MINDY4B: variants seen among roughly 807,000 people sequenced by gnomAD.
MINDY4B encodes the protein MINDY family member 4B.
Under a neutral mutation model 16.7 loss-of-function variants are expected in MINDY4B, and 25 were observed. That is an observed-to-expected ratio of 1.49 (90% CI 1.09 to 2.09). MINDY4B has a LOEUF of 2.09. Ranked by LOEUF, MINDY4B falls within the 30% of genes most tolerant of loss-of-function variation. MINDY4B has a pLI of 0.00. For synonymous variants in MINDY4B, 132 were observed against 61.9 expected (o/e 2.13, Z -5.32); for missense variants, 327 against 168.4 (o/e 1.94, Z -5.21).
At chr3:150,886,727 C>A (rs1302026776) in intron 7 of MINDY4B, among the ~76,000 whole-genome samples, 2 of 152,136 alleles carry the variant, frequency 1.3e-5, no homozygotes, top group African/African-American at 4.8e-5. Context: ...ATCACATAAC[C>A]CTCCTCCCTC....
chr3:150,900,416 G>T (rs924467103), intron 3 of MINDY4B, among the ~76,000 whole-genome samples: 1 of 152,228 alleles, frequency 6.6e-6, no homozygotes, highest in Non-Finnish European at 1.5e-5. Flanking sequence ...GATTTCTGGA[G>T]TGGTATTAGG....
intron 7 of MINDY4B, 51 bp from the exon 8 acceptor site, chr3:150,885,489 C>T (rs1052610996): frequency 3.7e-5 from 26 of 696,368 alleles, no homozygotes; most frequent in Non-Finnish European, 6.0e-5. Flanking sequence ...AACACAGACA[C>T]GTGTATCTGT....
At chr3:150,871,828 G>A (rs1485410363) in intron 11 of MINDY4B, among the ~76,000 whole-genome samples, 1 of 152,144 alleles carries the variant, frequency 6.6e-6, no homozygotes, top group Admixed American at 6.5e-5. Context: ...CTGGGCGACA[G>A]AGTGAGACTC....
intron 10 of MINDY4B, among the ~76,000 whole-genome samples, chr3:150,878,199 A>C (rs1286662553): frequency 6.6e-6 from 1 of 152,264 alleles, no homozygotes; most frequent in Non-Finnish European, 1.5e-5. Flanking sequence ...TATTAGCACA[A>C]TGAATAAATA....
intron 5 of MINDY4B, among the ~76,000 whole-genome samples, chr3:150,893,002 C>T (rs1711855911): frequency 1.3e-5 from 2 of 151,812 alleles, no homozygotes; most frequent in Admixed American, 1.3e-4. Flanking sequence ...CTTTGTTCCT[C>T]CCTAATTATT....
At chr3:150,893,439 G>A (rs1173459654) in intron 4 of MINDY4B, 24 bp from the exon 5 acceptor site, 6 of 702,456 alleles carry the variant, frequency 8.5e-6, no homozygotes, top group South Asian at 1.5e-5. Context: ...AATGAATGAC[G>A]AGGTGAAGAA....
intron 6 of MINDY4B, chr3:150,890,646 A>T: frequency 2.0e-6 from 1 of 490,730 alleles, no homozygotes; most frequent in African/African-American, 1.9e-5. Context: ...TTTTTTCCTA[A>T]TAGGTGAAAT....
At chr3:150,894,867 G>C (rs752047538) in intron 3 of MINDY4B, among the ~76,000 whole-genome samples, 2 of 152,144 alleles carry the variant, frequency 1.3e-5, no homozygotes, top group Non-Finnish European at 2.9e-5. Flanking sequence ...GCATGTACTC[G>C]ATCTTGTGTG....
chr3:150,891,908 G>A (rs1359163391), intron 5 of MINDY4B, among the ~76,000 whole-genome samples: 2 of 152,158 alleles, frequency 1.3e-5, no homozygotes, highest in South Asian at 2.1e-4. Flanking sequence ...TTCGTGCAGT[G>A]TGTCTACAGA....
Position 150,883,053 on chromosome 3 carries a change from A to C in MINDY4B, c.903T>G (p.Val301=). 1.4e-6 allele frequency: 1 copy of C among 700,774 alleles called. No homozygotes were observed. Among genetic ancestry groups the C allele is most frequent in the South Asian group, 1.5e-5 (1 of 67,396 alleles). The allele number at this position is 700,774 out of a possible 1,614,324, so 43.4% of individuals were successfully genotyped here. Residue 301 remains valine, a synonymous_variant, in exon 10 of 12, where the codon GTT becomes GTG. Transcript: ENST00000465419. ...CTCTTCCAGTTAAAATCATGTTCAGAACTGCCTAGAGAGCATATTTTACAG... is the reference window on the plus strand; with the variant it reads ...CTCTTCCAGTTAAAATCATGTTCAGCACTGCCTAGAGAGCATATTTTACAG... The part of the protein sequence containing the change: ...NAGGFLCRQA[V]LNMILTGRAS...
chr3:150,881,901 A>G (rs756866697), intron 10 of MINDY4B, among the ~76,000 whole-genome samples: 12 of 152,192 alleles, frequency 7.9e-5, no homozygotes, highest in Admixed American at 2.6e-4. Flanking sequence ...TGCTGGTTTC[A>G]TGATAACATA....
chr3:150,893,229 T>C (rs1029359308), intron 5 of MINDY4B, 95 bp downstream of exon 5: 2 of 682,190 alleles, frequency 2.9e-6, no homozygotes, highest in South Asian at 1.6e-5. Context: ...GTAGATTTCC[T>C]TTCTGAGACA....
chr3:150,895,553 C>A (rs1035616074), intron 3 of MINDY4B, among the ~76,000 whole-genome samples: 1 of 152,170 alleles, frequency 6.6e-6, no homozygotes, highest in African/African-American at 2.4e-5. Flanking sequence ...GCAACCTCAG[C>A]CTCTGGGTTC....
chr3:150,874,933 A>G (rs1024472161), intron 10 of MINDY4B, among the ~76,000 whole-genome samples: 2 of 152,346 alleles, frequency 1.3e-5, no homozygotes, highest in East Asian at 1.9e-4. Flanking sequence ...GCTATGCTGA[A>G]AAGAAATGAC....
rs1472983847 is a variant in MINDY4B at position 150,873,360 on chromosome 3, C to T, written c.1067G>A (p.Ser356Asn). 8 of 702,440 alleles carry T rather than the reference C, an allele frequency of 1.1e-5. No homozygotes were observed. The highest frequency in any genetic ancestry group is 2.1e-5 in the Non-Finnish European group (8 of 384,732). The allele number at this position is 702,440 out of a possible 1,614,324, so 43.5% of individuals were successfully genotyped here. A position where few individuals can be genotyped will look rare whatever the true frequency, so the allele number is the denominator to read the frequency against. ...SEDDRLSQVG[S>N]MLKTPKLPIW... is the part of the protein sequence containing the mutation. ...AGGTAATTTGGGAGTCTTCAGCATG[C>T]TGCCCACCTGGAAAGGGGAAGGGGA... The change falls in exon 11 of 12, where the codon AGC becomes AAC. Residue 356 changes from serine (S) to asparagine (N), a missense_variant. By Grantham distance (46) the Ser-to-Asn change is conservative. Transcript: ENST00000465419.
intron 11 of MINDY4B, among the ~76,000 whole-genome samples, chr3:150,871,499 C>T (rs777327905): frequency 7.2e-5 from 11 of 151,868 alleles, no homozygotes; most frequent in East Asian, 1.9e-4. Context: ...TACACCTTCC[C>T]GTACCATGAT....
At chr3:150,894,339 G>A (rs957037855) in intron 3 of MINDY4B, 34 bp from the exon 4 acceptor site, 2 of 674,568 alleles carry the variant, frequency 3.0e-6, no homozygotes, top group African/African-American at 3.6e-5. Flanking sequence ...TTCAACAAAA[G>A]AGAATTCTTC....
chr3:150,892,257 C>T (rs1413696671), intron 5 of MINDY4B, among the ~76,000 whole-genome samples: 1 of 152,212 alleles, frequency 6.6e-6, no homozygotes, highest in Admixed American at 6.5e-5. Flanking sequence ...AATCCATGCA[C>T]CCGAGCTCCC....
In MINDY4B at chr3:150,870,859, A is replaced by G. The variant is rs1488416714; in HGVS notation, c.*186T>C. On this transcript the variant is annotated 3_prime_UTR_variant, in exon 12 of 12. Transcript: ENST00000465419. Reference sequence around the variant, plus strand: ...TGGTGTGGGGGCCTGTGTTTCTCCTACAATGCTGACAGCTAGGGATTTACC... The same window carrying G: ...TGGTGTGGGGGCCTGTGTTTCTCCTGCAATGCTGACAGCTAGGGATTTACC... Among the ~76,000 whole-genome samples, 1 of 152,230 alleles carries G rather than the reference A, an allele frequency of 6.6e-6. No individual in the cohort carries two copies. Among genetic ancestry groups the G allele is most frequent in the Non-Finnish European group, 1.5e-5 (1 of 68,046 alleles).
Sources: allele counts gnomAD v4.1 joint callset (sites outside exome capture counted in the v4.1 genomes callset), GRCh38; gene constraint gnomAD v4.1.1; transcripts MANE v1.5; gene names NCBI Gene and HGNC (gene_info 2026-07-23, HGNC 2026-07-21).